MTF1: variants seen among roughly 807,000 people sequenced by gnomAD.
MTF1 encodes the protein MRE-binding transcription factor.
A neutral mutation model predicts 70.4 loss-of-function variants in MTF1; 22 were observed. The ratio of observed to expected loss-of-function variants is 0.31; its 90% CI spans 0.22 to 0.45. MTF1 has a LOEUF of 0.45. Ranked by LOEUF, MTF1 falls within the 20% of genes least tolerant of loss-of-function variation. The pLI is 1.00. For missense variants in MTF1, 649 were observed against 922.0 expected, an observed-to-expected ratio of 0.70 and a Z score of 3.83; for synonymous variants, 333 against 352.8, an observed-to-expected ratio of 0.94 and a Z score of 0.63.
intron 2 of MTF1, among the ~76,000 whole-genome samples, chr1:37,846,708 A>G (rs1441359176): frequency 6.6e-6 from 1 of 152,190 alleles, no homozygotes; most frequent in African/African-American, 2.4e-5. Flanking sequence ...TGAGAAAATA[A>G]AACACTGTGA....
In MTF1 at chr1:37,815,344, C is replaced by T; in HGVS notation, c.2054G>A (p.Gly685Glu). 1 of 1,614,080 alleles carries T rather than the reference C, an allele frequency of 6.2e-7. No individual in the cohort carries two copies. Among genetic ancestry groups the T allele is most frequent in the East Asian group, 2.2e-5 (1 of 44,868 alleles). ...GGAGGGCAAGGTAGAGGATGATGACCCGGGAACAGGGGCTGAAGAGAAAGT... is the reference window on the plus strand; with the variant it reads ...GGAGGGCAAGGTAGAGGATGATGACTCGGGAACAGGGGCTGAAGAGAAAGT... The part of the protein sequence containing the change: ...AQTFSSAPVP[G>E]SSSSTLPSSC... Residue 685 changes from glycine (G) to glutamate (E), a missense_variant, in exon 11 of 11, where the codon GGG becomes GAG. Gly to Glu is a moderately conservative substitution (Grantham distance 98). Coordinates refer to ENST00000373036, the MANE Select transcript of MTF1 (RefSeq NM_005955.3). This position sits in a 1 kb window ranked among gnomAD's most constrained non-coding sequence, Gnocchi z 4.5.
In MTF1 at chr1:37,810,208, A is replaced by C. The variant is rs1370057146; in HGVS notation, c.*4928T>G. Reference sequence around the variant, plus strand: ...GACTTGGCACACTACGAGGATAACAAGGATATTGCAAAAAACACCCCTGGG... The same window carrying C: ...GACTTGGCACACTACGAGGATAACACGGATATTGCAAAAAACACCCCTGGG... On this transcript the variant is annotated 3_prime_UTR_variant, in exon 11 of 11. Coordinates refer to ENST00000373036, the MANE Select transcript of MTF1 (RefSeq NM_005955.3). 6.6e-6 allele frequency: 1 copy of C among 152,564 alleles called. No homozygotes were observed. The highest frequency in any genetic ancestry group is 1.9e-4 in the East Asian group (1 of 5,200). The allele number at this position is 152,564 out of a possible 1,614,324, so 9.5% of individuals were successfully genotyped here.
At chr1:37,837,394 A>T (rs1306832622) in intron 4 of MTF1, among the ~76,000 whole-genome samples, 1 of 152,156 alleles carries the variant, frequency 6.6e-6, no homozygotes, top group Non-Finnish European at 1.5e-5. Flanking sequence ...GTCTCTAACG[A>T]CTTTTTATTT....
chr1:37,857,446 C>T lies in MTF1; in HGVS notation c.213G>A (p.Leu71=), dbSNP rs369119938. ...CCTCTTCACCCCCTACTAGAAAAGGCAAGTGTTCTCCGCACTGTCCGTCGT... is the reference window on the plus strand; with the variant it reads ...CCTCTTCACCCCCTACTAGAAAAGGTAAGTGTTCTCCGCACTGTCCGTCGT... ...EDDDGQCGEH[L]PFLVGGEEGF... is the part of the protein sequence containing the mutation. The change falls in exon 2 of 11, where the codon TTG becomes TTA. Residue 71 remains leucine, a synonymous_variant. Coordinates refer to ENST00000373036, the MANE Select transcript of MTF1 (RefSeq NM_005955.3). The T allele has an allele frequency of 1.9e-6, 3 of 1,614,078 alleles. No homozygotes were observed. Among genetic ancestry groups the T allele is most frequent in the African/African-American group, 1.3e-5 (1 of 74,920 alleles).
At chr1:37,853,315 T>C (rs1641444223) in intron 2 of MTF1, among the ~76,000 whole-genome samples, 1 of 152,252 alleles carries the variant, frequency 6.6e-6, no homozygotes, top group Non-Finnish European at 1.5e-5. Flanking sequence ...CTTTGCTATC[T>C]TTCCATCCTT....
intron 3 of MTF1, among the ~76,000 whole-genome samples, chr1:37,839,650 CAT>C (rs1025983719): frequency 1.3e-5 from 2 of 152,218 alleles, no homozygotes; most frequent in African/African-American, 4.8e-5. Flanking sequence ...AATGCTGCTC[CAT>C]GAGATGCAAA....
At chr1:37,859,347 G>A (rs1356711840) in intron 1 of MTF1, among the ~76,000 whole-genome samples, 184 bp downstream of exon 1, 1 of 152,172 alleles carries the variant, frequency 6.6e-6, no homozygotes, top group Non-Finnish European at 1.5e-5. Flanking sequence ...GAGGGGCAGG[G>A]TCCGGGTCTC....
chr1:37,832,135 C>T lies in MTF1; in HGVS notation c.1068+110G>A, dbSNP rs910185128. The T allele has an allele frequency of 1.9e-5, 13 of 692,406 alleles. No homozygotes were observed. The East Asian group carries it at 3.2e-4, about 17-fold the overall frequency. The allele number at this position is 692,406 out of a possible 1,614,324, so 42.9% of individuals were successfully genotyped here. Reference sequence around the variant, plus strand: ...ATCCTACATGGTCAGTAATTAAACACAATTAAATTTAGAAAACTTCAAAGA... The same window carrying T: ...ATCCTACATGGTCAGTAATTAAACATAATTAAATTTAGAAAACTTCAAAGA... On this transcript the variant is annotated intron_variant, in intron 7 of 10. Coordinates refer to ENST00000373036, the MANE Select transcript of MTF1 (RefSeq NM_005955.3).
rs1640751595 is a variant in MTF1 at position 37,812,430 on chromosome 1, T to A, written c.*2706A>T. 6.6e-6 allele frequency: 1 copy of A among 152,240 alleles called. No individual in the cohort carries two copies. Among genetic ancestry groups the A allele is most frequent in the Non-Finnish European group, 1.5e-5 (1 of 68,056 alleles). 9.4% of individuals were successfully genotyped at this position (152,240 alleles called of 1,614,324 possible). A position where few individuals can be genotyped will look rare whatever the true frequency, so the allele number is the denominator to read the frequency against. On this transcript the variant is annotated 3_prime_UTR_variant, in exon 11 of 11. Transcript: ENST00000373036. ...ACATTCCTGATTTTTCAAAAGCTGA[T>A]TGGATCTGATAGTCTCTCTTGTAAT...
rs1640765459 is a variant in MTF1, at chr1:37,813,383, A to G, written c.*1753T>C. 6.6e-6 allele frequency: 1 copy of G among 152,178 alleles called. No individual in the cohort carries two copies. The highest frequency in any genetic ancestry group is 2.4e-5 in the African/African-American group (1 of 41,434). 9.4% of individuals were successfully genotyped at this position (152,178 alleles called of 1,614,324 possible). A position where few individuals can be genotyped will look rare whatever the true frequency, so the allele number is the denominator to read the frequency against. On this transcript the variant is annotated 3_prime_UTR_variant, in exon 11 of 11. Transcript: ENST00000373036. ...CATTTCTCCTCATGGCAGTAACAAC[A>G]TTCACCACCACTGCCCTCTTTGTCT...
Position 37,838,705 on chromosome 1 carries a change from A to G in MTF1, c.699T>C (p.Ser233=). The part of the protein sequence containing the change: ...LHTGKTFNCE[S]EGCSKYFTTL... The stretch of plus-strand genomic sequence containing the variant: ...TGGTGAAGTATTTGCTGCAGCCTTC[A>G]GATTCACAGTTAAACGTTTTCCCTG... The change falls in exon 4 of 11, where the codon TCT becomes TCC. Residue 233 remains serine, a synonymous_variant. Transcript: ENST00000373036. 3.1e-6 allele frequency: 5 copies of G among 1,610,142 alleles called. No individual in the cohort carries two copies. Among genetic ancestry groups the G allele is most frequent in the Non-Finnish European group, 2.5e-6 (3 of 1,177,684 alleles).
chr1:37,850,242 A>G (rs963138328), intron 2 of MTF1, among the ~76,000 whole-genome samples: 1 of 7,798 alleles, frequency 1.3e-4, no homozygotes, highest in Non-Finnish European at 6.6e-3. Context: ...GTCTCAACCA[A>G]AAAAAAAAAA....
chr1:37,822,734 T>C lies in MTF1; in HGVS notation c.1172-18A>G. 1 of 1,550,132 alleles carries C rather than the reference T, an allele frequency of 6.5e-7. No homozygotes were observed. Among genetic ancestry groups the C allele is most frequent in the Non-Finnish European group, 8.9e-7 (1 of 1,129,934 alleles). On this transcript the variant is annotated intron_variant, in intron 8 of 10. Transcript: ENST00000373036. Reference sequence around the variant, plus strand: ...CAAGGAAGCTGGCAAGAAAAAGAAATAGAAATATATATACATATCCCAAGC... The same window carrying C: ...CAAGGAAGCTGGCAAGAAAAAGAAACAGAAATATATATACATATCCCAAGC...
chr1:37,842,318 G>T (rs867303685), intron 2 of MTF1, among the ~76,000 whole-genome samples: 5 of 151,858 alleles, frequency 3.3e-5, no homozygotes, highest in Admixed American at 1.3e-4. Context: ...AAAAGAAAAA[G>T]AATTTTTAAA....
At chr1:37,858,171 G>A (rs148092552) in intron 1 of MTF1, among the ~76,000 whole-genome samples, 350 of 152,296 alleles carry the variant, frequency 2.3e-3, no homozygotes, top group Non-Finnish European at 4.3e-3. Flanking sequence ...CTGCTGAAAG[G>A]CTGAGTTGCT....
chr1:37,857,189 C>G, intron 2 of MTF1, 62 bp downstream of exon 2: 1 of 1,541,034 alleles, frequency 6.5e-7, no homozygotes, highest in Non-Finnish European at 8.8e-7. Flanking sequence ...AAATTTGCAC[C>G]AAGAATTTTG....
In MTF1 at chr1:37,823,829, A is replaced by C. The variant is rs549515840; in HGVS notation, c.1069-17T>G. 4.4e-6 allele frequency: 7 copies of C among 1,585,120 alleles called. No homozygotes were observed. In the South Asian group the frequency reaches 7.7e-5, roughly 18 times the overall value. On this transcript the variant is annotated splice_polypyrimidine_tract_variant and intron_variant, in intron 7 of 10. Coordinates refer to ENST00000373036, the MANE Select transcript of MTF1 (RefSeq NM_005955.3). ...GCCCTGGGTCTGATGGAGAGAGACA[A>C]AGATGTGAGATTGGCCATCTTGAGA...
intron 2 of MTF1, among the ~76,000 whole-genome samples, chr1:37,848,341 A>G (rs1200617900): frequency 2.0e-5 from 3 of 152,214 alleles, no homozygotes; most frequent in Admixed American, 1.3e-4. Context: ...GGATATTTCT[A>G]TTTCAATTTT....
chr1:37,855,539 A>G, intron 2 of MTF1, among the ~76,000 whole-genome samples: 1 of 152,256 alleles, frequency 6.6e-6, no homozygotes, highest in East Asian at 1.9e-4. Flanking sequence ...TGCAATTTTA[A>G]GACCTCAACC....
Sources: allele counts gnomAD v4.1 joint callset (sites outside exome capture counted in the v4.1 genomes callset), GRCh38; gene constraint gnomAD v4.1.1; non-coding constraint Gnocchi (gnomAD v3.1); transcripts MANE v1.5; gene names NCBI Gene and HGNC (gene_info 2026-07-23, HGNC 2026-07-21).